The following ROBO2 variants were observed in gnomAD, a reference collection of about 807,000 sequenced individuals.
ROBO2 encodes roundabout guidance receptor 2.
Under a neutral mutation model 160.8 loss-of-function variants are expected in ROBO2, and 53 were observed. The observed-to-expected ratio is 0.33, with a 90% CI of 0.26 to 0.41. ROBO2 has a LOEUF of 0.41. ROBO2 is among the 10% of genes least tolerant of loss of function. The pLI is 1.00. For synonymous variants in ROBO2, 664 were observed against 611.7 expected (o/e 1.09, Z -1.26); for missense variants, 1,577 against 1,722.4 (o/e 0.92, Z 1.49).
chr3:76,628,247 T>TTTTTC (rs1416354062), intron 2 of ROBO2, among the ~76,000 whole-genome samples: 1 of 151,870 alleles, frequency 6.6e-6, no homozygotes, highest in Non-Finnish European at 1.5e-5. Flanking sequence ...AACGTGTGTT[T>TTTTTC]TTTTCTTTCT....
At chr3:76,807,372 T>A (rs2064811715) in intron 2 of ROBO2, among the ~76,000 whole-genome samples, 1 of 152,048 alleles carries the variant, frequency 6.6e-6, no homozygotes, top group African/African-American at 2.4e-5. Context: ...TATACAAATA[T>A]CTCTTTATAA....
intron 2 of ROBO2, among the ~76,000 whole-genome samples, chr3:75,979,803 T>C (rs1366225003): frequency 6.6e-6 from 1 of 151,656 alleles, no homozygotes; most frequent in Non-Finnish European, 1.5e-5. Flanking sequence ...CTTAATTTCT[T>C]CCAAAGTATA....
intron 2 of ROBO2, among the ~76,000 whole-genome samples, chr3:77,213,940 G>C (rs1039355652): frequency 6.6e-6 from 1 of 152,164 alleles, no homozygotes; most frequent in African/African-American, 2.4e-5. Context: ...TGTGGTCTGA[G>C]AGACAGTTTG....
intron 2 of ROBO2, among the ~76,000 whole-genome samples, chr3:77,316,537 C>T (rs181723226): frequency 5.3e-5 from 8 of 152,154 alleles, no homozygotes; most frequent in Admixed American, 2.6e-4. Flanking sequence ...TACCGAGTTC[C>T]CCCCAAGTCT....
At chr3:76,681,062 C>T (rs1482504104) in intron 2 of ROBO2, among the ~76,000 whole-genome samples, 1 of 152,174 alleles carries the variant, frequency 6.6e-6, no homozygotes, top group Non-Finnish European at 1.5e-5. Flanking sequence ...CAGGCATGAG[C>T]CACCACTCCC....
chr3:76,055,501 T>TC (rs1383088584), intron 2 of ROBO2, among the ~76,000 whole-genome samples: 1 of 152,006 alleles, frequency 6.6e-6, no homozygotes, highest in African/African-American at 2.4e-5. Context: ...CCTGTCGCCC[T>TC]CCCCCCTTTT....
chr3:77,512,429 G>A (rs1561041120), intron 5 of ROBO2, among the ~76,000 whole-genome samples: 1 of 151,936 alleles, frequency 6.6e-6, no homozygotes, highest in Non-Finnish European at 1.5e-5. Context: ...AGCGTGCCTT[G>A]AATAAATTTG....
At chr3:77,052,622 G>C (rs1379087488) in intron 1 of ROBO2, among the ~76,000 whole-genome samples, 1 of 152,148 alleles carries the variant, frequency 6.6e-6, no homozygotes, top group Non-Finnish European at 1.5e-5. Context: ...TTAAAAGCTA[G>C]TTTTTCATGA....
At chr3:76,096,250 CATGCTGAATGACTCATAA>C (rs2069448319) in intron 2 of ROBO2, among the ~76,000 whole-genome samples, 1 of 152,164 alleles carries the variant, frequency 6.6e-6, no homozygotes, top group African/African-American at 2.4e-5. Context: ...CCTACATTCT[CATGCTGAATGACTCATAA>C]ATAACTTTGA....
intron 2 of ROBO2, among the ~76,000 whole-genome samples, chr3:77,189,459 G>A (rs56319429): frequency 6.6e-6 from 1 of 151,524 alleles, no homozygotes; most frequent in South Asian, 2.1e-4. Flanking sequence ...CTGTTATCAG[G>A]GGTATGGGAA....
In ROBO2 at chr3:77,343,057, G is replaced by GGAGA. The variant is rs766199289; in HGVS notation, c.389-134330_389-134327dup. Among the ~76,000 whole-genome samples the GGAGA allele has an allele frequency of 6.7e-4, 43 of 63,704 alleles. No homozygotes were observed. In the South Asian group the frequency reaches 0.014, roughly 21 times the overall value. 41.8% of individuals were successfully genotyped at this position (63,704 alleles called of 152,430 possible). A position where few individuals can be genotyped will look rare whatever the true frequency, so the allele number is the denominator to read the frequency against. On this transcript the variant is annotated intron_variant, in intron 2 of 25. Transcript: ENST00000461745. The stretch of plus-strand genomic sequence containing the variant: ...CACATGACAAAGGGGATAGGTAGAT[G>GGAGA]GAGAGAGAGAGAGAGAGAGAGAGAG...
intron 2 of ROBO2, among the ~76,000 whole-genome samples, chr3:76,446,570 C>T (rs1299301821): frequency 6.6e-6 from 1 of 152,014 alleles, no homozygotes; most frequent in Non-Finnish European, 1.5e-5. Flanking sequence ...CAAAAAAGAG[C>T]CCGCACTGCC....
At chr3:77,432,822 T>A (rs573726305) in intron 2 of ROBO2, among the ~76,000 whole-genome samples, 1 of 152,280 alleles carries the variant, frequency 6.6e-6, no homozygotes, top group African/African-American at 2.4e-5. Context: ...TATGCTGGTT[T>A]ATTGTGTCTC....
chr3:77,366,430 G>T (rs1014984075), intron 2 of ROBO2, among the ~76,000 whole-genome samples: 9 of 151,990 alleles, frequency 5.9e-5, no homozygotes, highest in African/African-American at 2.2e-4. Flanking sequence ...GCCATATGAG[G>T]ACTCTGAGAA....
chr3:76,279,627 A>G (rs2107663975), intron 2 of ROBO2, among the ~76,000 whole-genome samples: 1 of 152,022 alleles, frequency 6.6e-6, no homozygotes, highest in East Asian at 1.9e-4. Context: ...TAATTTAAAT[A>G]TGAGAATATA....
At chr3:76,581,385 A>C (rs924593178) in intron 2 of ROBO2, among the ~76,000 whole-genome samples, 4 of 152,100 alleles carry the variant, frequency 2.6e-5, no homozygotes, top group Non-Finnish European at 5.9e-5. Context: ...AGAAAGAGAA[A>C]GGAAGGTTTA....
chr3:77,072,286 A>T (rs1430556520), intron 1 of ROBO2, among the ~76,000 whole-genome samples: 2 of 152,306 alleles, frequency 1.3e-5, no homozygotes, highest in East Asian at 3.9e-4. Context: ...GGTGAGTTGT[A>T]TACTTATTTC....
At chr3:76,222,235 T>G (rs992969998) in intron 2 of ROBO2, among the ~76,000 whole-genome samples, 3 of 152,148 alleles carry the variant, frequency 2.0e-5, no homozygotes, top group African/African-American at 7.2e-5. Flanking sequence ...ACTTCAGTTC[T>G]TGCCTCCTCA....
intron 2 of ROBO2, among the ~76,000 whole-genome samples, chr3:76,699,296 G>A (rs1015963213): frequency 1.3e-5 from 2 of 152,178 alleles, no homozygotes; most frequent in African/African-American, 4.8e-5. Context: ...ATTTGCATGA[G>A]AGGCTTTTGC....
Sources: gnomAD v4.1 joint callset for allele counts (sites outside exome capture counted in the v4.1 genomes callset) on GRCh38, gnomAD v4.1.1 for gene constraint, MANE v1.5 for transcripts, NCBI Gene and HGNC (gene_info 2026-07-23, HGNC 2026-07-21) for gene names.